Variants in EDC3 observed in about 807,000 individuals in gnomAD.
The protein encoded by EDC3 is enhancer of mRNA decapping 3.
A neutral mutation model predicts 41.8 loss-of-function variants in EDC3; 20 were observed. That is an observed-to-expected ratio of 0.48 (90% confidence interval 0.34 to 0.70). EDC3 has a LOEUF of 0.70. Among genes scored for constraint, EDC3 ranks in the 30% least tolerant of loss-of-function variants. The pLI, the probability that EDC3 is intolerant of heterozygous loss-of-function variation, is 0.01. For synonymous variants in EDC3, 206 were observed against 243.2 expected (o/e 0.85, Z 1.42); for missense variants, 444 against 636.8 (o/e 0.70, Z 3.26).
In EDC3 at chr15:74,655,807, T is replaced by C. The variant is rs1339007609; in HGVS notation, c.746A>G (p.Asn249Ser). Residue 249 changes from asparagine (N) to serine (S), a missense_variant, in exon 4 of 7, where the codon AAC becomes AGC. Physicochemically the swap from Asn to Ser is conservative, Grantham distance 46. Coordinates refer to ENST00000315127, the MANE Select transcript of EDC3 (RefSeq NM_025083.5). ...GACAATGGGCTCGGACTCCAAGATG[T>C]TCTCATCATGGCGGTACCGAGTGGG... ...ERPTRYRHDE[N>S]ILESEPIVYR... 1 of 1,613,952 alleles carries C rather than the reference T, an allele frequency of 6.2e-7. No individual in the cohort carries two copies. Among genetic ancestry groups the C allele is most frequent in the Non-Finnish European group, 8.5e-7 (1 of 1,180,026 alleles).
chr15:74,652,976 T>C (rs951911657), intron 4 of EDC3, among the ~76,000 whole-genome samples: 1 of 152,070 alleles, frequency 6.6e-6, no homozygotes, highest in Non-Finnish European at 1.5e-5. Flanking sequence ...GGCCAGGAGT[T>C]TGAGACCAGC....
chr15:74,694,697 G>A (rs1315379636), intron 1 of EDC3, among the ~76,000 whole-genome samples: 1 of 151,974 alleles, frequency 6.6e-6, no homozygotes, highest in Non-Finnish European at 1.5e-5. Context: ...TGCATCTTCT[G>A]TAGAAAGGGT....
At chr15:74,682,253 C>T (rs867789271) in intron 1 of EDC3, among the ~76,000 whole-genome samples, 3 of 152,016 alleles carry the variant, frequency 2.0e-5, no homozygotes, top group African/African-American at 4.8e-5. Flanking sequence ...ACCTGGGAGG[C>T]GCAGGTTGCA....
chr15:74,651,866 AACC>A lies in EDC3; in HGVS notation c.820+3864_820+3866del, dbSNP rs374441298. On this transcript the variant is annotated intron_variant, in intron 4 of 6. Transcript: ENST00000315127. ...AGTTGAAAATGCATTTAATACACCT[AACC>A]TACCAAACAAACATCATAGTTCAGC... Among the ~76,000 whole-genome samples, 118 of 152,332 alleles carry A rather than the reference AACC, an allele frequency of 7.7e-4. 1 individual carries two copies. The South Asian group carries it at 0.022, about 29-fold the overall frequency.
At chr15:74,672,730 G>A (rs1010014993) in intron 2 of EDC3, among the ~76,000 whole-genome samples, 21 of 151,912 alleles carry the variant, frequency 1.4e-4, no homozygotes, top group African/African-American at 4.1e-4. Flanking sequence ...CATGAGAATC[G>A]TTTCACCCTG....
rs2062189538 is a variant in EDC3 at position 74,630,582 on chromosome 15, C to T, written c.*2030G>A. The T allele has an allele frequency of 6.6e-6, 1 of 152,296 alleles. No individual in the cohort carries two copies. Among genetic ancestry groups the T allele is most frequent in the Non-Finnish European group, 1.5e-5 (1 of 68,082 alleles). The allele number at this position is 152,296 out of a possible 1,614,324, so 9.4% of individuals were successfully genotyped here. On this transcript the variant is annotated 3_prime_UTR_variant, in exon 7 of 7. Coordinates refer to ENST00000315127, the MANE Select transcript of EDC3 (RefSeq NM_025083.5). ...CTCAGTCAGTCATTCAGCTTTATTTCAGTGCTGGTTTTTGGTTCCCTAAGA... is the reference window on the plus strand; with the variant it reads ...CTCAGTCAGTCATTCAGCTTTATTTTAGTGCTGGTTTTTGGTTCCCTAAGA...
intron 4 of EDC3, chr15:74,642,216 G>C (rs1291835888): frequency 1.3e-5 from 2 of 152,188 alleles, no homozygotes; most frequent in Non-Finnish European, 2.9e-5. Flanking sequence ...TGATAAAAAA[G>C]GTCTAACGTA....
intron 1 of EDC3, chr15:74,679,806 A>C (rs2062849751): frequency 6.6e-6 from 1 of 150,874 alleles, no homozygotes; most frequent in East Asian, 1.9e-4. Flanking sequence ...GCATACCAGT[A>C]ATCTCAGCTA....
intron 1 of EDC3, 128 bp downstream of exon 1, chr15:74,695,751 GC>G (rs2063058055): frequency 1.3e-5 from 2 of 153,400 alleles, no homozygotes; most frequent in Non-Finnish European, 2.9e-5. Flanking sequence ...ATCCGATGAA[GC>G]CCCCAGCTCT....
chr15:74,672,840 G>C (rs2062755078), intron 2 of EDC3, among the ~76,000 whole-genome samples: 2 of 151,720 alleles, frequency 1.3e-5, no homozygotes, highest in Non-Finnish European at 1.5e-5. Flanking sequence ...TTTTTTTTAA[G>C]TGTTAAATGT....
chr15:74,681,532 TA>T lies in EDC3; in HGVS notation c.-18-6391del, dbSNP rs370465080. ...TACACAATTATGATAATCAAGACTATATAGTATTGGCAGAGGGACAAACATG... is the reference window on the plus strand; with the variant it reads ...TACACAATTATGATAATCAAGACTATTAGTATTGGCAGAGGGACAAACATG... On this transcript the variant is annotated intron_variant, in intron 1 of 6. Coordinates refer to ENST00000315127, the MANE Select transcript of EDC3 (RefSeq NM_025083.5). Among the ~76,000 whole-genome samples, 472 of 152,258 alleles carry T rather than the reference TA, an allele frequency of 3.1e-3. 3 individuals are homozygous for T. The highest frequency in any genetic ancestry group is 0.011 in the African/African-American group (451 of 41,552).
intron 3 of EDC3, among the ~76,000 whole-genome samples, chr15:74,662,659 T>C (rs2062634421): frequency 6.6e-6 from 1 of 152,116 alleles, no homozygotes; most frequent in Non-Finnish European, 1.5e-5. Flanking sequence ...TCATGTCCAA[T>C]ATGAACTGAA....
intron 1 of EDC3, among the ~76,000 whole-genome samples, chr15:74,680,624 T>C (rs2062860620): frequency 6.6e-6 from 1 of 151,998 alleles, no homozygotes; most frequent in Non-Finnish European, 1.5e-5. Flanking sequence ...TCAACACAGC[T>C]CTAGAAGTTC....
At position 74,636,037 on chromosome 15, in the gene EDC3, A is replaced by G. The variant is rs558014111; in HGVS notation, c.975-411T>C. 4 of 182,648 alleles carry G rather than the reference A, an allele frequency of 2.2e-5. No individual in the cohort carries two copies. The South Asian group carries it at 4.7e-4, about 22-fold the overall frequency. The allele number at this position is 182,648 out of a possible 1,614,324, so 11.3% of individuals were successfully genotyped here. A position where few individuals can be genotyped will look rare whatever the true frequency, so the allele number is the denominator to read the frequency against. ...AAGGCTCTTTCCTGCTTATGCTCAA[A>G]CTACATCCCCTGCCCAGAAAGCCTT... On this transcript the variant is annotated intron_variant, in intron 5 of 6. Coordinates refer to ENST00000315127, the MANE Select transcript of EDC3 (RefSeq NM_025083.5).
intron 4 of EDC3, chr15:74,644,353 G>C (rs1248320556): frequency 6.6e-6 from 1 of 152,178 alleles, no homozygotes; most frequent in South Asian, 2.1e-4. Flanking sequence ...CTCTTCCAAT[G>C]CTACCCCTAC....
chr15:74,660,893 G>A (rs1361316763), intron 3 of EDC3, among the ~76,000 whole-genome samples: 2 of 152,170 alleles, frequency 1.3e-5, no homozygotes, highest in African/African-American at 2.4e-5. Context: ...GCCCATATTT[G>A]AGATATCTGA....
intron 4 of EDC3, chr15:74,645,049 A>G (rs533935594): frequency 3.9e-5 from 6 of 152,324 alleles, no homozygotes; most frequent in African/African-American, 1.2e-4. Flanking sequence ...GGAAACAAAC[A>G]ATACATCAAA....
rs565168894 is a variant in EDC3, at chr15:74,647,138, T to C, written c.821-6519A>G. On this transcript the variant is annotated intron_variant, in intron 4 of 6. Coordinates refer to ENST00000315127, the MANE Select transcript of EDC3 (RefSeq NM_025083.5). ...GATTCTCCTGCCTCAGCCTCCTAAG[T>C]AGCTGGAACTACAGGCATGTGCCAC... Among the ~76,000 whole-genome samples the C allele has an allele frequency of 2.6e-5, 4 of 152,162 alleles. No homozygotes were observed. In the South Asian group the frequency reaches 8.3e-4, roughly 32 times the overall value.
chr15:74,637,940 C>T (rs573018204), intron 5 of EDC3: 19 of 152,292 alleles, frequency 1.2e-4, no homozygotes, highest in African/African-American at 4.6e-4. Flanking sequence ...CCAGATCTGC[C>T]CTGCTCTTTG....
Sources: allele counts gnomAD v4.1 joint callset (sites outside exome capture counted in the v4.1 genomes callset), GRCh38; gene constraint gnomAD v4.1.1; transcripts MANE v1.5; gene names NCBI Gene and HGNC (gene_info 2026-07-23, HGNC 2026-07-21).